IARS1: variants seen among roughly 807,000 people sequenced by gnomAD.
IARS1 encodes isoleucine--tRNA ligase, cytoplasmic.
IARS1 carries 124 observed loss-of-function variants against 168.2 expected under a neutral mutation model. The ratio of observed to expected loss-of-function variants is 0.74; its 90% CI spans 0.64 to 0.86. The LOEUF (loss-of-function observed/expected upper bound fraction) is 0.86, where lower values mean the gene tolerates loss of function less well. Among genes scored for constraint, IARS1 ranks in the 40% least tolerant of loss-of-function variants. IARS1 has a pLI of 0.00. For synonymous variants in IARS1, 532 were observed against 529.4 expected (o/e 1.00, Z -0.07); for missense variants, 1,452 against 1,515.8 (o/e 0.96, Z 0.70).
At chr9:92,213,801 G>T (rs1332896349) in intron 33 of IARS1, among the ~76,000 whole-genome samples, 2 of 152,154 alleles carry the variant, frequency 1.3e-5, no homozygotes, top group Non-Finnish European at 2.9e-5. Flanking sequence ...CTTTGTGTAT[G>T]ACTGGGAATG....
At chr9:92,244,493 C>T (rs1002300477) in intron 27 of IARS1, among the ~76,000 whole-genome samples, 2 of 152,110 alleles carry the variant, frequency 1.3e-5, no homozygotes, top group African/African-American at 4.8e-5. Context: ...GTCTCTTCTC[C>T]AATATGGCAA....
chr9:92,267,949 T>C (rs1489028377), intron 14 of IARS1, among the ~76,000 whole-genome samples: 1 of 152,158 alleles, frequency 6.6e-6, no homozygotes, highest in Non-Finnish European at 1.5e-5. Context: ...CTTTTATTTT[T>C]ACAGAGGAAA....
chr9:92,251,048 C>T, intron 22 of IARS1: 3 of 600,570 alleles, frequency 5.0e-6, no homozygotes, highest in Non-Finnish European at 9.4e-6. Context: ...CAAAGCACCT[C>T]TAGAATTCTG....
chr9:92,222,257 C>T (rs527760615), intron 33 of IARS1, among the ~76,000 whole-genome samples: 1 of 147,204 alleles, frequency 6.8e-6, no homozygotes, highest in Non-Finnish European at 1.5e-5. Flanking sequence ...AAGCCCCAGG[C>T]CTGAACCCAG....
chr9:92,282,831 T>C (rs1004419537), intron 6 of IARS1, among the ~76,000 whole-genome samples: 3 of 144,878 alleles, frequency 2.1e-5, no homozygotes, highest in African/African-American at 7.7e-5. Flanking sequence ...CATATATACA[T>C]ACACACACAT....
intron 33 of IARS1, among the ~76,000 whole-genome samples, chr9:92,217,066 A>T (rs2133349887): frequency 1.3e-5 from 2 of 149,036 alleles, no homozygotes; most frequent in South Asian, 4.3e-4. Context: ...AAATTATAAC[A>T]AACTGTCTCT....
chr9:92,229,407 T>A (rs572984033), intron 30 of IARS1, among the ~76,000 whole-genome samples: 1 of 149,234 alleles, frequency 6.7e-6, no homozygotes, highest in East Asian at 1.9e-4. Flanking sequence ...CCTTGGCATG[T>A]GTTTTGGCAA....
chr9:92,287,634 T>C (rs1421678029), intron 4 of IARS1, 157 bp downstream of exon 4: 8 of 722,960 alleles, frequency 1.1e-5, no homozygotes, highest in Non-Finnish European at 1.7e-5. Flanking sequence ...TGGTTCAGTT[T>C]AAGCTAACCG....
chr9:92,283,056 T>C (rs1229030396), intron 6 of IARS1, among the ~76,000 whole-genome samples: 1 of 151,990 alleles, frequency 6.6e-6, no homozygotes, highest in Non-Finnish European at 1.5e-5. Flanking sequence ...GGTTTTGTCA[T>C]GTTGCCCAGG....
In IARS1 at chr9:92,287,919, T is replaced by C; in HGVS notation, c.277-9A>G. On this transcript the variant is annotated splice_polypyrimidine_tract_variant and intron_variant, in intron 3 of 33. Coordinates refer to ENST00000443024, the MANE Select transcript of IARS1 (RefSeq NM_002161.6). Reference sequence around the variant, plus strand: ...TTATCAATTTCATATTCCTGAAAATTTGTGATAAGACTGTTACCACGCTGC... The same window carrying C: ...TTATCAATTTCATATTCCTGAAAATCTGTGATAAGACTGTTACCACGCTGC... The C allele has an allele frequency of 6.2e-7, 1 of 1,613,700 alleles. No individual in the cohort carries two copies. Among genetic ancestry groups the C allele is most frequent in the Non-Finnish European group, 8.5e-7 (1 of 1,179,906 alleles).
chr9:92,238,827 C>T (rs471478), intron 30 of IARS1, among the ~76,000 whole-genome samples: 88,630 of 151,996 alleles, frequency 0.58, 28,353 homozygotes, highest in African/African-American at 0.86. Context: ...GTAGAAACCT[C>T]GCTCCTTTGT....
intron 14 of IARS1, among the ~76,000 whole-genome samples, chr9:92,266,723 C>T (rs1031106393): frequency 3.3e-5 from 5 of 152,080 alleles, no homozygotes; most frequent in Admixed American, 1.3e-4. Flanking sequence ...AAGAGCCTGC[C>T]CCCACCCCAC....
At chr9:92,250,100 G>T in intron 24 of IARS1, 87 bp downstream of exon 24, 1 of 953,758 alleles carries the variant, frequency 1.0e-6, no homozygotes, top group Non-Finnish European at 1.7e-6. Flanking sequence ...AAAGGCCATT[G>T]GTGGAAGCTC....
intron 1 of IARS1, among the ~76,000 whole-genome samples, chr9:92,291,661 C>CA (rs1836360019): frequency 6.6e-6 from 1 of 152,170 alleles, no homozygotes; most frequent in Non-Finnish European, 1.5e-5. Flanking sequence ...AGTGTTTGTG[C>CA]ATTTACTGAT....
chr9:92,229,261 A>G, intron 30 of IARS1, 135 bp from the exon 31 acceptor site: 1 of 686,546 alleles, frequency 1.5e-6, no homozygotes, highest in South Asian at 2.0e-5. Flanking sequence ...CACTATATAT[A>G]TGTGTATATA....
At chr9:92,216,400 A>G (rs1206137780) in intron 33 of IARS1, among the ~76,000 whole-genome samples, 12 of 149,982 alleles carry the variant, frequency 8.0e-5, no homozygotes, top group Non-Finnish European at 1.6e-4. Flanking sequence ...TCATAATGAC[A>G]GGATCAAATT....
At position 92,269,054 on chromosome 9, in the gene IARS1, C is replaced by A. The variant is rs73516569; in HGVS notation, c.1305-754G>T. Among the ~76,000 whole-genome samples the A allele has an allele frequency of 5.7e-3, 872 of 152,226 alleles. 8 individuals are homozygous for A. Among genetic ancestry groups the A allele is most frequent in the African/African-American group, 0.02 (827 of 41,546 alleles). Reference sequence around the variant, plus strand: ...TTTATATGCCTGCACCCCCTCGAGGCTATCTTACTAATATTCTATATCTAG... The same window carrying A: ...TTTATATGCCTGCACCCCCTCGAGGATATCTTACTAATATTCTATATCTAG... On this transcript the variant is annotated intron_variant, in intron 13 of 33. Coordinates refer to ENST00000443024, the MANE Select transcript of IARS1 (RefSeq NM_002161.6).
rs1182530421 is a variant in IARS1, at chr9:92,268,172, A to G, written c.1431+2T>C. Reference sequence around the variant, plus strand: ...ACACAAGGAAATACTGCCATGCCTCACCTCCTCAAAGTCATCGCTGACCCA... The same window carrying G: ...ACACAAGGAAATACTGCCATGCCTCGCCTCCTCAAAGTCATCGCTGACCCA... On this transcript the variant is annotated splice_donor_variant, in intron 14 of 33. Coordinates refer to ENST00000443024, the MANE Select transcript of IARS1 (RefSeq NM_002161.6). LOFTEE classifies it high-confidence loss of function. 2 of 1,575,282 alleles carry G rather than the reference A, an allele frequency of 1.3e-6. No homozygotes were observed. Among genetic ancestry groups the G allele is most frequent in the Non-Finnish European group, 8.6e-7 (1 of 1,166,536 alleles).
chr9:92,227,214 C>T (rs1825840629), intron 31 of IARS1, among the ~76,000 whole-genome samples: 2 of 146,460 alleles, frequency 1.4e-5, no homozygotes, highest in African/African-American at 2.6e-5. Flanking sequence ...TCTTTCTACA[C>T]AGACACGGCA....
Sources: allele counts gnomAD v4.1 joint callset (sites outside exome capture counted in the v4.1 genomes callset), GRCh38; gene constraint gnomAD v4.1.1; transcripts MANE v1.5; gene names NCBI Gene and HGNC (gene_info 2026-07-23, HGNC 2026-07-21).